Variants in ABCC2 observed in about 807,000 individuals in gnomAD.
ABCC2 encodes ATP-binding cassette sub-family C member 2.
ABCC2 carries 157 observed loss-of-function variants against 173.4 expected under a neutral mutation model. The ratio of observed to expected loss-of-function variants is 0.91; its 90% CI spans 0.80 to 1.03. ABCC2 has a LOEUF of 1.03. Ranked by LOEUF, ABCC2 falls within the 50% of genes least tolerant of loss-of-function variation. The pLI is 0.00. For synonymous variants in ABCC2, 657 were observed against 693.5 expected (o/e 0.95, Z 0.83); for missense variants, 1,822 against 1,852.3 (o/e 0.98, Z 0.30).
chr10:99,811,605 G>C lies in ABCC2; in HGVS notation c.1967+3G>C. 6.2e-7 allele frequency: 1 copy of C among 1,614,100 alleles called. No homozygotes were observed. The highest frequency in any genetic ancestry group is 1.1e-5 in the South Asian group (1 of 91,080). On this transcript the variant is annotated splice_donor_region_variant and intron_variant, in intron 15 of 31. Coordinates refer to ENST00000647814, the MANE Select transcript of ABCC2 (RefSeq NM_000392.5). ...GATTCGGAAGCCACAGTCCGAGAGT[G>C]AGTTGCCTTCTTTCCATCCTAATGT...
chr10:99,795,738 G>GGAAA (rs1205497592), intron 6 of ABCC2, among the ~76,000 whole-genome samples: 201 of 28,768 alleles, frequency 7.0e-3, no homozygotes, highest in African/African-American at 0.023. Context: ...AAAGAAAGAA[G>GGAAA]GAAAGAAAGA....
Position 99,826,207 on chromosome 10 carries a change from C to A in ABCC2, c.2621-4100C>A, listed in dbSNP as rs553364669. 1.5e-4 allele frequency among the ~76,000 whole-genome samples: 23 copies of A among 152,304 alleles called. No homozygotes were observed. In the East Asian group the frequency reaches 4.4e-3, roughly 29 times the overall value. On this transcript the variant is annotated intron_variant, in intron 19 of 31. Coordinates refer to ENST00000647814, the MANE Select transcript of ABCC2 (RefSeq NM_000392.5). Reference sequence around the variant, plus strand: ...TTTCCTCCAAATGTTCTAACTTGTCCTCCTAAAACAACTCCTGTTATTGCT... The same window carrying A: ...TTTCCTCCAAATGTTCTAACTTGTCATCCTAAAACAACTCCTGTTATTGCT...
chr10:99,844,259 G>C lies in ABCC2; in HGVS notation c.3844-63G>C, dbSNP rs191996606. 8.9e-4 allele frequency: 1,424 copies of C among 1,597,124 alleles called. 2 individuals carry two copies. Among genetic ancestry groups the C allele is most frequent in the Admixed American group, 1.4e-3 (81 of 59,978 alleles). The stretch of plus-strand genomic sequence containing the variant: ...CTCCTGTTCTATGACACGAGTCCTG[G>C]GTGGACTGTTCGGCTGAGTTGCCAC... On this transcript the variant is annotated intron_variant, in intron 27 of 31. Coordinates refer to ENST00000647814, the MANE Select transcript of ABCC2 (RefSeq NM_000392.5).
Position 99,814,306 on chromosome 10 carries a change from C to CACGT in ABCC2, c.2094+1163_2094+1164insCGTA, listed in dbSNP as rs1554850668. On this transcript the variant is annotated intron_variant, in intron 16 of 31. Transcript: ENST00000647814. ...GTATACACACACGTATGTATACACA[C>CACGT]ATGTATATACACACGTATGTATACA... 5.8e-3 allele frequency among the ~76,000 whole-genome samples: 255 copies of CACGT among 44,058 alleles called. 12 individuals carry two copies. The highest frequency in any genetic ancestry group is 0.026 in the East Asian group (28 of 1,064). 28.9% of individuals were successfully genotyped at this position (44,058 alleles called of 152,430 possible). A position where few individuals can be genotyped will look rare whatever the true frequency, so the allele number is the denominator to read the frequency against.
chr10:99,808,961 A>G (rs1041857480), intron 13 of ABCC2, among the ~76,000 whole-genome samples: 4 of 152,202 alleles, frequency 2.6e-5, no homozygotes, highest in African/African-American at 9.6e-5. Flanking sequence ...TAAAGAAGCA[A>G]CAGGATCTTT....
At chr10:99,791,492 C>T (rs2037811454) in intron 2 of ABCC2, among the ~76,000 whole-genome samples, 1 of 152,160 alleles carries the variant, frequency 6.6e-6, no homozygotes, top group South Asian at 2.1e-4. Context: ...TAACAAAATA[C>T]CCCAAAACTT....
chr10:99,784,050 G>C (rs989895733), intron 1 of ABCC2, among the ~76,000 whole-genome samples: 2 of 133,458 alleles, frequency 1.5e-5, no homozygotes, highest in Non-Finnish European at 3.0e-5. Flanking sequence ...TGCAAAGACT[G>C]CACAAAACTT....
intron 14 of ABCC2, among the ~76,000 whole-genome samples, chr10:99,811,068 T>C (rs943926823): frequency 3.9e-5 from 6 of 151,976 alleles, no homozygotes; most frequent in African/African-American, 1.4e-4. Flanking sequence ...CAGTGTCTCA[T>C]ACCTGTAATC....
intron 6 of ABCC2, among the ~76,000 whole-genome samples, chr10:99,796,780 C>G (rs754353045): frequency 6.6e-5 from 10 of 152,180 alleles, no homozygotes; most frequent in Non-Finnish European, 1.2e-4. Flanking sequence ...TTGAGGGCAT[C>G]AAGGAGGCCC....
chr10:99,830,533 G>A (rs2038720602), intron 20 of ABCC2, 100 bp downstream of exon 20: 7 of 1,577,466 alleles, frequency 4.4e-6, no homozygotes, highest in Non-Finnish European at 6.1e-6. Context: ...TTAACACCAT[G>A]GACACTCCAA....
At chr10:99,828,788 G>A (rs945859285) in intron 19 of ABCC2, among the ~76,000 whole-genome samples, 2 of 151,992 alleles carry the variant, frequency 1.3e-5, no homozygotes, top group Non-Finnish European at 2.9e-5. Flanking sequence ...TGGGTGGTGG[G>A]GAGCATGTCT....
intron 2 of ABCC2, among the ~76,000 whole-genome samples, chr10:99,787,432 A>G (rs1249252753): frequency 6.6e-6 from 1 of 151,806 alleles, no homozygotes; most frequent in Non-Finnish European, 1.5e-5. Flanking sequence ...TTGCTATACC[A>G]TGTATTGATA....
At chr10:99,829,959 T>C (rs1024243596) in intron 19 of ABCC2, among the ~76,000 whole-genome samples, 12 of 152,232 alleles carry the variant, frequency 7.9e-5, no homozygotes, top group Admixed American at 7.9e-4. Flanking sequence ...ATCACTTCTT[T>C]AGTCAATTCT....
intron 18 of ABCC2, 48 bp from the exon 19 acceptor site, chr10:99,819,035 CAGGGAA>C: frequency 6.2e-7 from 1 of 1,612,120 alleles, no homozygotes; most frequent in Non-Finnish European, 8.5e-7. Flanking sequence ...GCAAGTAAGA[CAGGGAA>C]GATGGTGGAC....
At chr10:99,832,468 TA>T (rs2038757260) in intron 23 of ABCC2, among the ~76,000 whole-genome samples, 1 of 152,086 alleles carries the variant, frequency 6.6e-6, no homozygotes, top group South Asian at 2.1e-4. Context: ...GCCTGCGTGA[TA>T]AAGGTGGGAA....
At chr10:99,804,397 C>T in intron 10 of ABCC2, 124 bp downstream of exon 10, 1 of 1,277,314 alleles carries the variant, frequency 7.8e-7, no homozygotes, top group Non-Finnish European at 1.1e-6. Flanking sequence ...TTTCTACCAT[C>T]TCAATTGTAC....
chr10:99,823,486 G>A (rs1279802861), intron 19 of ABCC2, among the ~76,000 whole-genome samples: 2 of 151,234 alleles, frequency 1.3e-5, no homozygotes, highest in African/African-American at 4.9e-5. Flanking sequence ...CTTGTAGCCT[G>A]TACTACATAT....
At position 99,800,272 on chromosome 10, in the gene ABCC2, G is replaced by C; in HGVS notation, c.1032-114G>C. 2.7e-6 allele frequency: 3 copies of C among 1,108,784 alleles called. No individual in the cohort carries two copies. In the South Asian group the frequency reaches 3.7e-5, roughly 14 times the overall value. 68.7% of individuals were successfully genotyped at this position (1,108,784 alleles called of 1,614,324 possible). A position where few individuals can be genotyped will look rare whatever the true frequency, so the allele number is the denominator to read the frequency against. On this transcript the variant is annotated intron_variant, in intron 8 of 31. Transcript: ENST00000647814. ...TCTTTCAAAGGCTTTGGACAATTCT[G>C]GTCACTTTTGTTACCTACAGTGTAA...
rs746488917 is a variant in ABCC2, at chr10:99,845,538, C to T, written c.3988-86C>T. On this transcript the variant is annotated intron_variant, in intron 28 of 31. Coordinates refer to ENST00000647814, the MANE Select transcript of ABCC2 (RefSeq NM_000392.5). ...GGAGTAGCCAGTCACTGCCTCTTAC[C>T]TCCTGTGACTGTGAATGCCCAGGCT... The T allele has an allele frequency of 7.8e-6, 12 of 1,536,954 alleles. No homozygotes were observed. In the Admixed American group the frequency reaches 1.3e-4, roughly 17 times the overall value.
Sources: allele counts gnomAD v4.1 joint callset (sites outside exome capture counted in the v4.1 genomes callset), GRCh38; gene constraint gnomAD v4.1.1; transcripts MANE v1.5; gene names NCBI Gene and HGNC (gene_info 2026-07-23, HGNC 2026-07-21).